The following PRH1 variants were observed in gnomAD, a reference collection of about 807,000 sequenced individuals.
PRH1 encodes proline rich protein HaeIII subfamily 1, also known as salivary acidic proline-rich phosphoprotein 1/2.
PRH1 carries 7 observed loss-of-function variants against 7.9 expected under a neutral mutation model. That is an observed-to-expected ratio of 0.89 (90% CI 0.50 to 1.67). The LOEUF (loss-of-function observed/expected upper bound fraction) is 1.67, where lower values mean the gene tolerates loss of function less well. Ranked by LOEUF, PRH1 falls within the 40% of genes most tolerant of loss-of-function variation. The pLI, the probability that PRH1 is intolerant of heterozygous loss-of-function variation, is 0.00. For missense variants in PRH1, 109 were observed against 223.6 expected (o/e 0.49, Z 3.27); for synonymous variants, 45 against 80.8 (o/e 0.56, Z 2.38).
chr12:11,024,309 C>T (rs79938579), intron 1 of PRH1, among the ~76,000 whole-genome samples: 517 of 93,194 alleles, frequency 5.5e-3, no homozygotes, highest in South Asian at 0.014. Flanking sequence ...GTGTCATAAA[C>T]ACTCATGTAA....
At chr12:11,048,068 T>C (rs1358057722), upstream of PRH1, among the ~76,000 whole-genome samples, 2 of 152,116 alleles carry the variant, frequency 1.3e-5, no homozygotes, top group Non-Finnish European at 2.9e-5. Flanking sequence ...TACATATATA[T>C]GTGAAATATA....
chr12:11,116,866 T>G (rs1945746023), downstream of PRH1, among the ~76,000 whole-genome samples: 1 of 152,030 alleles, frequency 6.6e-6, no homozygotes, highest in Non-Finnish European at 1.5e-5. Context: ...TTTGATAAGA[T>G]TCAACATTCC....
chr12:11,143,161 A>C (rs1238979079), intron 1 of PRH1, among the ~76,000 whole-genome samples: 1 of 152,222 alleles, frequency 6.6e-6, no homozygotes. Context: ...TAGACAGCAC[A>C]ATGATATATA....
At chr12:10,960,092 G>A (rs1457227176) in intron 2 of PRH1, among the ~76,000 whole-genome samples, 1 of 152,208 alleles carries the variant, frequency 6.6e-6, no homozygotes, top group African/African-American at 2.4e-5. Context: ...AGTGGTGACA[G>A]CAACAGCCTC....
rs1946588054 is a variant in PRH1 at position 11,137,429 on chromosome 12, T to TC, written n.40-16250dup. 2.0e-5 allele frequency among the ~76,000 whole-genome samples: 3 copies of TC among 152,222 alleles called. No individual in the cohort carries two copies. In the South Asian group the frequency reaches 6.2e-4, roughly 32 times the overall value. On this transcript the variant is annotated intron_variant and non_coding_transcript_variant, in intron 1 of 1. Coordinates refer to the PRH1 transcript ENST00000541175. ...GGTTATAGAACTATAACCTTCAAAC[T>TC]CCATCATCACTCACTCAAGTGTGAC...
In PRH1 at chr12:11,065,775, T is replaced by G. The variant is rs545190496; in HGVS notation, n.124-18587A>C. Among the ~76,000 whole-genome samples the G allele has an allele frequency of 7.2e-5, 11 of 152,328 alleles. No individual in the cohort carries two copies. The South Asian group carries it at 2.3e-3, about 32-fold the overall frequency. ...AATTGTAGTGATTTTCTTCTTTTTG[T>G]AATACTTAGGTCACAGAAGAGATTA... On this transcript the variant is annotated intron_variant and non_coding_transcript_variant, in intron 1 of 4. Coordinates refer to the PRH1 transcript ENST00000541977.
At chr12:11,023,129 C>T (rs1051048606) in intron 1 of PRH1, among the ~76,000 whole-genome samples, 1 of 152,086 alleles carries the variant, frequency 6.6e-6, no homozygotes, top group African/African-American at 2.4e-5. Flanking sequence ...TCAAAATCAT[C>T]CAAGATTATC....
intron 1 of PRH1, among the ~76,000 whole-genome samples, chr12:11,038,990 T>C (rs1464916945): frequency 6.6e-6 from 1 of 152,240 alleles, no homozygotes; most frequent in Non-Finnish European, 1.5e-5. Flanking sequence ...AATCATTATG[T>C]CAAATGACTT....
At chr12:11,168,254 A>G (rs1211723877) in intron 1 of PRH1, among the ~76,000 whole-genome samples, 1 of 42,896 alleles carries the variant, frequency 2.3e-5, no homozygotes, top group African/African-American at 7.6e-5. Flanking sequence ...GAAAGAAAGA[A>G]AGAAAGAAAG....
downstream of PRH1, among the ~76,000 whole-genome samples, chr12:11,119,613 A>C (rs1009920829): frequency 6.6e-6 from 1 of 152,216 alleles, no homozygotes; most frequent in African/African-American, 2.4e-5. Context: ...ATACCTGTTT[A>C]CTGATAAGGT....
At chr12:10,992,902 C>G (rs1427654196) in intron 1 of PRH1, among the ~76,000 whole-genome samples, 1 of 152,126 alleles carries the variant, frequency 6.6e-6, no homozygotes, top group Non-Finnish European at 1.5e-5. Context: ...GTAAGTAGGA[C>G]CAAAAAGAGT....
At chr12:10,887,919 C>T (rs1215221389), upstream of PRH1, among the ~76,000 whole-genome samples, 12 of 107,434 alleles carry the variant, frequency 1.1e-4, no homozygotes, top group Admixed American at 9.5e-4. Context: ...TAAGAAGGCG[C>T]TTATTTTAGA....
At chr12:11,136,176 T>C (rs569175745) in intron 1 of PRH1, among the ~76,000 whole-genome samples, 4 of 152,354 alleles carry the variant, frequency 2.6e-5, no homozygotes, top group African/African-American at 9.6e-5. Flanking sequence ...CAACTAGGTA[T>C]GCAACCCTAA....
intron 2 of PRH1, chr12:10,929,441 A>G (rs1435264762): frequency 1.0e-5 from 14 of 1,380,220 alleles, no homozygotes; most frequent in African/African-American, 4.3e-5. Flanking sequence ...GAAAACAGAT[A>G]GGACTGAAGA....
At chr12:11,145,152 C>T (rs75952578) in intron 1 of PRH1, among the ~76,000 whole-genome samples, 5,386 of 152,136 alleles carry the variant, frequency 0.035, 310 homozygotes, top group African/African-American at 0.12. Context: ...TTGTTCCATC[C>T]GAACCTACAC....
At chr12:11,062,934 T>C (rs1943674440) in intron 1 of PRH1, among the ~76,000 whole-genome samples, 1 of 151,984 alleles carries the variant, frequency 6.6e-6, no homozygotes, top group Non-Finnish European at 1.5e-5. Flanking sequence ...AGCTCATAAA[T>C]ACACACACAA....
At chr12:10,912,665 T>C (rs1189431797) in intron 2 of PRH1, among the ~76,000 whole-genome samples, 5 of 152,072 alleles carry the variant, frequency 3.3e-5, no homozygotes, top group Admixed American at 3.3e-4. Context: ...TTTTCAGCAT[T>C]TCTCACAAGG....
intron 1 of PRH1, among the ~76,000 whole-genome samples, chr12:11,123,991 A>G (rs1946009821): frequency 6.6e-6 from 1 of 152,220 alleles, no homozygotes; most frequent in South Asian, 2.1e-4. Flanking sequence ...AGTATGTTAG[A>G]AATGAAAATG....
chr12:10,928,830 T>C (rs1950159434), intron 2 of PRH1, among the ~76,000 whole-genome samples: 1 of 152,204 alleles, frequency 6.6e-6, no homozygotes, highest in African/African-American at 2.4e-5. Flanking sequence ...ATTGACCGTC[T>C]TCACTGTTAG....
Sources: gnomAD v4.1 joint callset for allele counts (sites outside exome capture counted in the v4.1 genomes callset) on GRCh38, gnomAD v4.1.1 for gene constraint, MANE v1.5 for transcripts, NCBI Gene and HGNC (gene_info 2026-07-23, HGNC 2026-07-21) for gene names.